Variants in HEXB observed in about 807,000 individuals in gnomAD.
HEXB encodes hexosaminidase subunit beta, also known as beta-hexosaminidase subunit beta.
HEXB carries 51 observed loss-of-function variants against 71.2 expected under a neutral mutation model. That is an observed-to-expected ratio of 0.72 (90% CI 0.57 to 0.90). HEXB has a LOEUF of 0.90. HEXB is among the 40% of genes least tolerant of loss of function. HEXB has a pLI of 0.00. For synonymous variants in HEXB, 266 were observed against 249.3 expected, an observed-to-expected ratio of 1.07 and a Z score of -0.63; for missense variants, 617 against 677.0, an observed-to-expected ratio of 0.91 and a Z score of 0.98.
intron 1 of HEXB, among the ~76,000 whole-genome samples, chr5:74,673,077 T>G (rs546335764): frequency 6.6e-6 from 1 of 152,360 alleles, no homozygotes; most frequent in African/African-American, 2.4e-5. Context: ...TAAATAGTAT[T>G]CATTAATAGA....
chr5:74,693,473 C>T, intron 2 of HEXB, 166 bp from the exon 3 acceptor site: 2 of 683,858 alleles, frequency 2.9e-6, no homozygotes, highest in Admixed American at 4.1e-5. Flanking sequence ...TCGAAGGAAC[C>T]TGCAGGACAT....
At chr5:74,642,092 C>A (rs1747907576) in intron 1 of HEXB, among the ~76,000 whole-genome samples, 1 of 152,232 alleles carries the variant, frequency 6.6e-6, no homozygotes. Flanking sequence ...AGAGTCCAGA[C>A]TGCTGAAACC....
At chr5:74,666,695 C>T (rs1361797412) in intron 1 of HEXB, among the ~76,000 whole-genome samples, 1 of 152,156 alleles carries the variant, frequency 6.6e-6, no homozygotes, top group Non-Finnish European at 1.5e-5. Context: ...AATTAGAAGG[C>T]ACCTCACCAT....
chr5:74,659,870 A>T (rs1165884686), intron 1 of HEXB, among the ~76,000 whole-genome samples: 2 of 152,228 alleles, frequency 1.3e-5, no homozygotes, highest in Non-Finnish European at 2.9e-5. Context: ...TTAGTATCAT[A>T]CTTCTGAAGT....
intron 6 of HEXB, among the ~76,000 whole-genome samples, chr5:74,709,362 C>T (rs1749482554): frequency 6.6e-6 from 1 of 151,836 alleles, no homozygotes. Flanking sequence ...AATTGACACC[C>T]TAACATCACA....
chr5:74,657,011 A>G (rs1748232616), intron 1 of HEXB, among the ~76,000 whole-genome samples: 1 of 151,622 alleles, frequency 6.6e-6, no homozygotes, highest in African/African-American at 2.4e-5. Flanking sequence ...TTCCACAGTC[A>G]CTCCATAACC....
upstream of HEXB, chr5:74,685,150 A>G: frequency 1.6e-6 from 2 of 1,222,622 alleles, no homozygotes; most frequent in Non-Finnish European, 2.2e-6. Context: ...GCGCGCAGTC[A>G]TCTGACTCGG....
chr5:74,668,045 T>A (rs750528070), intron 1 of HEXB, among the ~76,000 whole-genome samples: 11 of 152,144 alleles, frequency 7.2e-5, no homozygotes, highest in Non-Finnish European at 1.0e-4. Flanking sequence ...CTCCATAAAG[T>A]GACAGAGCCT....
At chr5:74,659,612 G>A (rs929735886) in intron 1 of HEXB, among the ~76,000 whole-genome samples, 19 of 152,168 alleles carry the variant, frequency 1.2e-4, no homozygotes, top group Admixed American at 1.1e-3. Flanking sequence ...AAGTGGGGTG[G>A]GCCTCCAATA....
At chr5:74,688,643 A>C (rs1315685354) in intron 1 of HEXB, among the ~76,000 whole-genome samples, 2 of 152,176 alleles carry the variant, frequency 1.3e-5, no homozygotes, top group African/African-American at 4.8e-5. Context: ...GCAGCTGGCC[A>C]ACAAAAAGTA....
intron 5 of HEXB, among the ~76,000 whole-genome samples, chr5:74,700,290 G>A: frequency 6.6e-6 from 1 of 151,960 alleles, no homozygotes; most frequent in East Asian, 1.9e-4. Context: ...TTACAGGCAT[G>A]AGCCACTGTG....
At chr5:74,713,385 T>G (rs1749596492) in intron 6 of HEXB, 121 bp from the exon 7 acceptor site, 3 of 900,312 alleles carry the variant, frequency 3.3e-6, no homozygotes, top group Non-Finnish European at 5.5e-6. Flanking sequence ...CACATGAAAC[T>G]AATACATTGT....
chr5:74,677,799 T>A (rs1748663543), intron 1 of HEXB, among the ~76,000 whole-genome samples: 1 of 152,012 alleles, frequency 6.6e-6, no homozygotes, highest in Admixed American at 6.6e-5. Context: ...TTTAGTGCAC[T>A]GGTCACCTGA....
intron 1 of HEXB, among the ~76,000 whole-genome samples, chr5:74,655,889 T>A (rs1219652492): frequency 6.6e-6 from 1 of 152,180 alleles, no homozygotes; most frequent in Non-Finnish European, 1.5e-5. Flanking sequence ...CAGCTGTCAG[T>A]AGCAAATTTG....
upstream of HEXB, among the ~76,000 whole-genome samples, chr5:74,683,552 C>A (rs1748779030): frequency 6.6e-6 from 1 of 152,060 alleles, no homozygotes; most frequent in Non-Finnish European, 1.5e-5. Flanking sequence ...GATCCACCTG[C>A]CTTGGCCTCC....
chr5:74,664,321 G>C (rs1386040328), intron 1 of HEXB, among the ~76,000 whole-genome samples: 1 of 150,352 alleles, frequency 6.7e-6, no homozygotes, highest in African/African-American at 2.4e-5. Flanking sequence ...CAGCTATTCA[G>C]TACACAGTCT....
intron 6 of HEXB, among the ~76,000 whole-genome samples, chr5:74,706,512 C>T (rs908771420): frequency 1.1e-4 from 16 of 152,164 alleles, no homozygotes; most frequent in South Asian, 2.1e-4. Context: ...ACTCGGGAAG[C>T]GCAAGGGGTC....
intron 1 of HEXB, among the ~76,000 whole-genome samples, chr5:74,677,031 C>T (rs767929693): frequency 7.2e-5 from 11 of 151,910 alleles, no homozygotes; most frequent in South Asian, 6.3e-4. Context: ...GGATTACAGG[C>T]GCCCGCCACC....
At chr5:74,690,564 A>C (rs1037910970) in intron 2 of HEXB, among the ~76,000 whole-genome samples, 1 of 150,184 alleles carries the variant, frequency 6.7e-6, no homozygotes, top group African/African-American at 2.5e-5. Flanking sequence ...AGGCAGGAGA[A>C]TCACTTGAAC....
Sources: gnomAD v4.1 joint callset for allele counts (sites outside exome capture counted in the v4.1 genomes callset) on GRCh38, gnomAD v4.1.1 for gene constraint, MANE v1.5 for transcripts, NCBI Gene and HGNC (gene_info 2026-07-23, HGNC 2026-07-21) for gene names.